Variants in TFRC observed in about 807,000 individuals in gnomAD.
The protein encoded by TFRC is transferrin receptor protein 1.
A neutral mutation model predicts 85.8 loss-of-function variants in TFRC; 35 were observed. The observed-to-expected ratio is 0.41, with a 90% CI of 0.31 to 0.54. The LOEUF is 0.54. Ranked by LOEUF, TFRC falls within the 20% of genes least tolerant of loss-of-function variation. The pLI, the probability that TFRC is intolerant of heterozygous loss-of-function variation, is 0.31. For missense variants in TFRC, 828 were observed against 921.5 expected (o/e 0.90, Z 1.31); for synonymous variants, 362 against 328.6 (o/e 1.10, Z -1.10).
chr3:196,081,765 G>C (rs904683011), intron 1 of TFRC: 16 of 152,534 alleles, frequency 1.0e-4, no homozygotes, highest in Admixed American at 3.9e-4. Flanking sequence ...GAGAAGGGAA[G>C]GGACGAGAGG....
In TFRC at chr3:196,058,760, T is replaced by C. The variant is rs150148973; in HGVS notation, c.1537-128A>G. ...GTATTATATCTTCTTGAAAAGAAAT[T>C]ATTTATGATAGTTAAAACAATCTCA... On this transcript the variant is annotated intron_variant, in intron 14 of 18. Transcript: ENST00000360110. 1.2e-3 allele frequency: 636 copies of C among 537,332 alleles called. 5 individuals are homozygous for C. The highest frequency in any genetic ancestry group is 0.011 in the African/African-American group (584 of 51,856). The allele number at this position is 537,332 out of a possible 1,614,324, so 33.3% of individuals were successfully genotyped here.
chr3:196,053,539 T>A lies in TFRC; in HGVS notation c.1919A>T (p.Gln640Leu), dbSNP rs1005344693. ...GTCTCCACGAGCAGAATACAGCCAC[T>A]GTAAACTCAGGCCCATTTCCTGAAA... is the stretch of plus-strand genomic sequence containing the variant. ...ADIKEMGLSL[Q>L]WLYSARGDFF... Residue 640 changes from glutamine (Q) to leucine (L), a missense_variant, in exon 18 of 19, where the codon CAG (glutamine) becomes CTG (leucine). By Grantham distance (113) the Gln-to-Leu change is moderately radical. Coordinates refer to ENST00000360110, the MANE Select transcript of TFRC (RefSeq NM_001128148.3). 2 of 1,614,228 alleles carry A rather than the reference T, an allele frequency of 1.2e-6. No individual in the cohort carries two copies. The highest frequency in any genetic ancestry group is 1.1e-5 in the South Asian group (1 of 91,084).
chr3:196,072,234 G>C lies in TFRC; in HGVS notation c.435-82C>G, dbSNP rs1718275548. 5 of 1,535,530 alleles carry C rather than the reference G, an allele frequency of 3.3e-6. No individual in the cohort carries two copies. In the Admixed American group the frequency reaches 5.9e-5, roughly 18 times the overall value. On this transcript the variant is annotated intron_variant, in intron 4 of 18. Coordinates refer to ENST00000360110, the MANE Select transcript of TFRC (RefSeq NM_001128148.3). ...AGTCAAGGATTAAACAAATTGTTTT[G>C]AAAGCAAAATATTATCCCTCATAGT...
At position 196,069,529 on chromosome 3, in the gene TFRC, A is replaced by G; in HGVS notation, c.727T>C (p.Phe243Leu). ...TTCACAGGAGTGTATAAATCCTCAA[A>G]ATCTTTTTTAGTACCAAAATTAGCA... Reference protein sequence around the residue: ...VHANFGTKKDFEDLYTPVNGS... With the variant: ...VHANFGTKKDLEDLYTPVNGS... The change falls in exon 7 of 19, where the codon TTT becomes CTT. Residue 243 changes from phenylalanine to leucine, a missense_variant. Phe to Leu is a conservative substitution (Grantham distance 22, BLOSUM62 0). Coordinates refer to ENST00000360110, the MANE Select transcript of TFRC (RefSeq NM_001128148.3). The G allele has an allele frequency of 6.2e-7, 1 of 1,613,298 alleles. No homozygotes were observed. The highest frequency in any genetic ancestry group is 8.5e-7 in the Non-Finnish European group (1 of 1,179,462).
At chr3:196,052,248 C>A in intron 18 of TFRC, 64 bp from the exon 19 acceptor site, 4 of 1,394,620 alleles carry the variant, frequency 2.9e-6, no homozygotes, top group South Asian at 1.3e-5. Context: ...AACAACAGTT[C>A]ACTTCAAATG....
chr3:196,075,611 TGG>T (rs1209763964), intron 2 of TFRC, among the ~76,000 whole-genome samples: 2 of 151,634 alleles, frequency 1.3e-5, no homozygotes, highest in African/African-American at 4.8e-5. Context: ...TCTCCCAGGA[TGG>T]AGTACAGTGG....
At chr3:196,066,180 C>G (rs1393696919) in intron 9 of TFRC, among the ~76,000 whole-genome samples, 1 of 152,180 alleles carries the variant, frequency 6.6e-6, no homozygotes, top group East Asian at 1.9e-4. Flanking sequence ...ATTTGGAATA[C>G]ATACCAAGAT....
chr3:196,076,405 G>C (rs1718701212), intron 2 of TFRC, among the ~76,000 whole-genome samples: 1 of 151,508 alleles, frequency 6.6e-6, no homozygotes, highest in Non-Finnish European at 1.5e-5. Context: ...CCAAACTGCT[G>C]GGATTGCGGG....
Position 196,055,262 on chromosome 3 carries a change from A to G in TFRC, c.1717T>C (p.Tyr573His), listed in dbSNP as rs1449000109. ...YPYLGTTMDT[Y>H]KELIERIPEL... ...GGAATCCTCTCAATCAGTTCCTTAT[A>G]GGTGTCCATGGTGGTACCCAAATAA... is the stretch of plus-strand genomic sequence containing the variant. Residue 573 changes from tyrosine (Y) to histidine (H), a missense_variant, in exon 17 of 19, where the codon TAT becomes CAT. Transcript: ENST00000360110. 2.5e-6 allele frequency: 4 copies of G among 1,614,128 alleles called. No homozygotes were observed. Among genetic ancestry groups the G allele is most frequent in the Non-Finnish European group, 3.4e-6 (4 of 1,180,058 alleles).
At chr3:196,052,712 A>G (rs1293807634) in intron 18 of TFRC, among the ~76,000 whole-genome samples, 2 of 152,106 alleles carry the variant, frequency 1.3e-5, no homozygotes, top group Non-Finnish European at 2.9e-5. Flanking sequence ...AAGTACTGGA[A>G]TTACAGGCAT....
chr3:196,076,606 C>A (rs1201443309), intron 2 of TFRC, among the ~76,000 whole-genome samples: 2 of 151,918 alleles, frequency 1.3e-5, no homozygotes, highest in East Asian at 3.9e-4. Flanking sequence ...TGCGCCATGA[C>A]ACTCAGCTAA....
intron 2 of TFRC, 80 bp from the exon 3 acceptor site, chr3:196,075,440 T>C (rs371344726): frequency 2.2e-6 from 3 of 1,366,634 alleles, no homozygotes; most frequent in African/African-American, 2.9e-5. Context: ...TGCTTGTTAT[T>C]GGGCCATTAC....
intron 10 of TFRC, 38 bp from the exon 11 acceptor site, chr3:196,064,466 A>G: frequency 6.4e-7 from 1 of 1,551,954 alleles, no homozygotes; most frequent in Non-Finnish European, 8.6e-7. Flanking sequence ...GAACTTATAT[A>G]ATCAGCTTCT....
chr3:196,051,981 G>A lies in TFRC; in HGVS notation c.2244C>T (p.Ala748=). The A allele has an allele frequency of 1.2e-6, 2 of 1,614,146 alleles. No homozygotes were observed. The highest frequency in any genetic ancestry group is 8.5e-7 in the Non-Finnish European group (1 of 1,180,022). The change falls in exon 19 of 19, where the codon GCC becomes GCT. Residue 748 remains alanine, a synonymous_variant. Coordinates refer to ENST00000360110, the MANE Select transcript of TFRC (RefSeq NM_001128148.3). ...ATWTIQGAAN[A]LSGDVWDIDN... ...CAATGTCCCAAACGTCACCAGAGAG[G>A]GCATTTGCAGCTCCCTGAATAGTCC...
intron 10 of TFRC, 72 bp downstream of exon 10, chr3:196,065,371 T>C: frequency 1.1e-6 from 1 of 931,126 alleles, no homozygotes; most frequent in Non-Finnish European, 1.5e-6. Context: ...GCTCCTTCTC[T>C]AGCCACATCC....
chr3:196,062,032 CAT>C (rs1248280299), intron 13 of TFRC, among the ~76,000 whole-genome samples: 2 of 152,122 alleles, frequency 1.3e-5, no homozygotes, highest in East Asian at 1.9e-4. Flanking sequence ...GGGCAGCTGA[CAT>C]AGAATGCTTG....
At chr3:196,074,999 T>C (rs895581676) in intron 3 of TFRC, among the ~76,000 whole-genome samples, 160 bp downstream of exon 3, 1 of 139,602 alleles carries the variant, frequency 7.2e-6, no homozygotes, top group African/African-American at 2.7e-5. Context: ...TGAGCCAACA[T>C]GGTGCCACTG....
chr3:196,070,389 C>A (rs1348063528), intron 6 of TFRC, among the ~76,000 whole-genome samples: 1 of 151,946 alleles, frequency 6.6e-6, no homozygotes, highest in Admixed American at 6.6e-5. Context: ...CCCAGCCTCC[C>A]AAGTAGCTGG....
chr3:196,049,497 C>T lies in TFRC; in HGVS notation c.*2445G>A, dbSNP rs780932269. ...ATTTTATCCTTTACCTCCAAAAGGC[C>T]CATCTCCTTAACGAGAAGACATCTC... On this transcript the variant is annotated 3_prime_UTR_variant, in exon 19 of 19. Coordinates refer to ENST00000360110, the MANE Select transcript of TFRC (RefSeq NM_001128148.3). The T allele has an allele frequency of 7.3e-4, 161 of 219,704 alleles. No individual in the cohort carries two copies. The highest frequency in any genetic ancestry group is 1.1e-3 in the Non-Finnish European group (124 of 109,644). The allele number at this position is 219,704 out of a possible 1,614,324, so 13.6% of individuals were successfully genotyped here.
Sources: allele counts gnomAD v4.1 joint callset (sites outside exome capture counted in the v4.1 genomes callset), GRCh38; gene constraint gnomAD v4.1.1; transcripts MANE v1.5; gene names NCBI Gene and HGNC (gene_info 2026-07-23, HGNC 2026-07-21).